Variants in MYO10 observed in about 807,000 individuals in gnomAD.
MYO10 encodes the protein unconventional myosin-X.
MYO10 carries 133 observed loss-of-function variants against 257.3 expected under a neutral mutation model. The ratio of observed to expected loss-of-function variants is 0.52; its 90% CI spans 0.45 to 0.60. The LOEUF is 0.60. Among genes scored for constraint, MYO10 ranks in the 20% least tolerant of loss-of-function variants. The probability of loss-of-function intolerance (pLI) is 0.00; values close to 1 mark genes in which losing one functional copy is unlikely to be tolerated. For missense variants in MYO10, 2,399 were observed against 2,635.7 expected, an observed-to-expected ratio of 0.91 and a Z score of 1.97; for synonymous variants, 1,104 against 1,028.6, an observed-to-expected ratio of 1.07 and a Z score of -1.40.
intron 19 of MYO10, among the ~76,000 whole-genome samples, chr5:16,735,786 A>C (rs1739773254): frequency 6.6e-6 from 1 of 152,052 alleles, no homozygotes; most frequent in Admixed American, 6.6e-5. Flanking sequence ...TCCGCATTCA[A>C]CTCCAACAAT....
chr5:16,671,472 T>C lies in MYO10; in HGVS notation c.5380A>G (p.Thr1794Ala), dbSNP rs1375302132. 6.2e-7 allele frequency: 1 copy of C among 1,613,892 alleles called. No individual in the cohort carries two copies. The highest frequency in any genetic ancestry group is 1.3e-5 in the African/African-American group (1 of 74,928). Residue 1794 changes from threonine to alanine, a missense_variant, in exon 38 of 41, where the codon ACA becomes GCA. Transcript: ENST00000513610. ...FYFKLYCFLDTDNVPKDSVEF... is the reference protein window; with the variant it reads ...FYFKLYCFLDADNVPKDSVEF... The stretch of plus-strand genomic sequence containing the variant: ...ACACTGTCTTTTGGCACGTTGTCTG[T>C]GTCCAGGAAGCAGTAAAGTTTGAAG...
At chr5:16,929,524 G>T (rs910419550) in intron 1 of MYO10, among the ~76,000 whole-genome samples, 3 of 152,082 alleles carry the variant, frequency 2.0e-5, no homozygotes, top group Non-Finnish European at 2.9e-5. Context: ...CCTGGCTATC[G>T]TTTTCTAGCT....
intron 9 of MYO10, among the ~76,000 whole-genome samples, chr5:16,770,415 A>T (rs1326696182): frequency 6.6e-6 from 1 of 152,172 alleles, no homozygotes; most frequent in African/African-American, 2.4e-5. Flanking sequence ...GAGGAAAAAT[A>T]AAAATAAACA....
intron 25 of MYO10, among the ~76,000 whole-genome samples, chr5:16,700,583 A>G (rs1737998614): frequency 6.6e-6 from 1 of 151,526 alleles, no homozygotes; most frequent in Non-Finnish European, 1.5e-5. Context: ...AAGCTGAGGC[A>G]GCAGGATAGC....
chr5:16,900,487 ACTGCAGAAAAACGTGTAAATTCCCACCAC>A (rs1230030299), intron 1 of MYO10, among the ~76,000 whole-genome samples: 1 of 152,184 alleles, frequency 6.6e-6, no homozygotes, highest in Non-Finnish European at 1.5e-5. Flanking sequence ...CTGAAGACTG[ACTGCAGAAAAACGTGTAAATTCCCACCAC>A]CTCCCAGCAG....
At chr5:16,767,188 T>G (rs1740897991) in intron 10 of MYO10, among the ~76,000 whole-genome samples, 2 of 103,376 alleles carry the variant, frequency 1.9e-5, no homozygotes, top group African/African-American at 3.8e-5. Context: ...TTTTTTTTTT[T>G]GAGACAGAGT....
intron 2 of MYO10, among the ~76,000 whole-genome samples, chr5:16,869,349 CA>C (rs1041839869): frequency 2.6e-5 from 4 of 151,712 alleles, no homozygotes; most frequent in African/African-American, 9.7e-5. Context: ...CTATTGCTTT[CA>C]AAGACTGAGT....
chr5:16,781,846 G>T lies in MYO10; in HGVS notation c.603-17C>A. 6.2e-7 allele frequency: 1 copy of T among 1,613,588 alleles called. No homozygotes were observed. The highest frequency in any genetic ancestry group is 1.3e-5 in the African/African-American group (1 of 75,004). The stretch of plus-strand genomic sequence containing the variant: ...ATGATGGGGCTGTGAAGACAGTGAG[G>T]GCAGCAGACAGCATTAATAAGGGTG... On this transcript the variant is annotated splice_polypyrimidine_tract_variant and intron_variant, in intron 5 of 40. Coordinates refer to ENST00000513610, the MANE Select transcript of MYO10 (RefSeq NM_012334.3).
chr5:16,861,565 T>G (rs1744109782), intron 2 of MYO10, among the ~76,000 whole-genome samples: 1 of 151,764 alleles, frequency 6.6e-6, no homozygotes, highest in Non-Finnish European at 1.5e-5. Flanking sequence ...AGAGTGAAAC[T>G]CCATCTCAAA....
chr5:16,736,183 CAAG>C (rs1739793794), intron 19 of MYO10, among the ~76,000 whole-genome samples: 2 of 152,252 alleles, frequency 1.3e-5, no homozygotes, highest in South Asian at 4.1e-4. Context: ...CAGGCTGGAA[CAAG>C]AAGAATGGAT....
At chr5:16,747,676 C>T (rs1046717580) in intron 19 of MYO10, among the ~76,000 whole-genome samples, 9 of 151,876 alleles carry the variant, frequency 5.9e-5, no homozygotes, top group African/African-American at 1.4e-4. Context: ...CCCAGCACTT[C>T]GGGAGGCCGA....
rs201777599 is a variant in MYO10 at position 16,877,048 on chromosome 5, GC to G, written c.120+560del. Among the ~76,000 whole-genome samples, 1,437 of 152,208 alleles carry G rather than the reference GC, an allele frequency of 9.4e-3. 27 individuals carry two copies. The highest frequency in any genetic ancestry group is 0.033 in the African/African-American group (1,378 of 41,526). On this transcript the variant is annotated intron_variant, in intron 2 of 40. Coordinates refer to ENST00000513610, the MANE Select transcript of MYO10 (RefSeq NM_012334.3). ...GTGAGGCCCAGCAAGAAGCTGGCTG[GC>G]TATGAACCAGTGAGCAGAGGCCTCA...
At chr5:16,673,151 A>C (rs1200172554) in intron 36 of MYO10, among the ~76,000 whole-genome samples, 4 of 151,632 alleles carry the variant, frequency 2.6e-5, no homozygotes, top group African/African-American at 9.7e-5. Context: ...TTGGCTGATA[A>C]ATTTATGAAC....
chr5:16,804,598 C>T (rs1045976048), intron 3 of MYO10, among the ~76,000 whole-genome samples: 3 of 152,108 alleles, frequency 2.0e-5, no homozygotes, highest in Non-Finnish European at 2.9e-5. Context: ...TATGGTCGCG[C>T]GCAGAGGCTC....
intron 1 of MYO10, among the ~76,000 whole-genome samples, chr5:16,916,950 A>T (rs34162327): frequency 0.07 from 10,527 of 150,210 alleles, 429 homozygotes; most frequent in African/African-American, 0.11. Context: ...CAGCCCCTTC[A>T]ATCTTTCTTT....
At chr5:16,765,802 T>C (rs1322592161) in intron 11 of MYO10, among the ~76,000 whole-genome samples, 1 of 152,124 alleles carries the variant, frequency 6.6e-6, no homozygotes, top group Non-Finnish European at 1.5e-5. Context: ...CAGTAGTAAG[T>C]AGAAGGGTCA....
chr5:16,711,889 A>T lies in MYO10; in HGVS notation c.1930-644T>A, dbSNP rs115321877. On this transcript the variant is annotated intron_variant, in intron 19 of 40. Transcript: ENST00000513610. ...CACTAGTATCATATCTTAAAAGATA[A>T]CAATAATTCCTTTATATTAATATCC... Among the ~76,000 whole-genome samples, 1,097 of 152,322 alleles carry T rather than the reference A, an allele frequency of 7.2e-3. 3 individuals carry two copies. Among genetic ancestry groups the T allele is most frequent in the South Asian group, 0.012 (60 of 4,826 alleles).
chr5:16,923,118 G>A (rs1746033934), intron 1 of MYO10, among the ~76,000 whole-genome samples: 1 of 152,126 alleles, frequency 6.6e-6, no homozygotes, highest in African/African-American at 2.4e-5. Context: ...CAGTTTCAAC[G>A]AGAGTTCTAG....
chr5:16,929,786 AT>A (rs560046635), intron 1 of MYO10, among the ~76,000 whole-genome samples: 30 of 152,150 alleles, frequency 2.0e-4, no homozygotes, highest in Admixed American at 1.8e-3. Flanking sequence ...TACAGATGCA[AT>A]TTTTTTCTTG....
Sources: allele counts gnomAD v4.1 joint callset (sites outside exome capture counted in the v4.1 genomes callset), GRCh38; gene constraint gnomAD v4.1.1; transcripts MANE v1.5; gene names NCBI Gene and HGNC (gene_info 2026-07-23, HGNC 2026-07-21).